The following ANKS1B variants were observed in gnomAD, a reference collection of about 807,000 sequenced individuals.
ANKS1B encodes the protein ankyrin repeat and sterile alpha motif domain containing 1B, also known as ankyrin repeat and sterile alpha motif domain-containing protein 1B.
Under a neutral mutation model 148.3 loss-of-function variants are expected in ANKS1B, and 36 were observed. The observed-to-expected ratio is 0.24, with a 90% CI of 0.19 to 0.32. The LOEUF (loss-of-function observed/expected upper bound fraction) is 0.32. Ranked by LOEUF, ANKS1B falls within the 10% of genes least tolerant of loss-of-function variation. The probability of loss-of-function intolerance (pLI) is 1.00; values close to 1 mark genes in which losing one functional copy is unlikely to be tolerated. For synonymous variants in ANKS1B, 542 were observed against 560.8 expected (o/e 0.97, Z 0.47); for missense variants, 1,157 against 1,542.6 (o/e 0.75, Z 4.19).
chr12:98,838,512 T>C (rs373943299), intron 17 of ANKS1B, among the ~76,000 whole-genome samples: 9 of 152,216 alleles, frequency 5.9e-5, no homozygotes, highest in African/African-American at 1.9e-4. Flanking sequence ...AAACAGCACA[T>C]GTAGCTGGAA....
At chr12:99,567,715 T>C (rs1423520003) in intron 9 of ANKS1B, among the ~76,000 whole-genome samples, 1 of 152,114 alleles carries the variant, frequency 6.6e-6, no homozygotes, top group African/African-American at 2.4e-5. Flanking sequence ...GACCAAGATA[T>C]GCTAAAGGGG....
intron 15 of ANKS1B, among the ~76,000 whole-genome samples, chr12:99,138,642 G>A (rs1484851428): frequency 6.6e-6 from 1 of 152,136 alleles, no homozygotes; most frequent in Non-Finnish European, 1.5e-5. Flanking sequence ...CACAGTTTCA[G>A]GAGACAGGTA....
intron 8 of ANKS1B, among the ~76,000 whole-genome samples, chr12:99,690,327 T>C (rs184658705): frequency 6.6e-6 from 1 of 152,232 alleles, no homozygotes; most frequent in East Asian, 1.9e-4. Context: ...TCATGTCTTT[T>C]CACACTTCAA....
At chr12:99,876,582 A>T (rs2092072169) in intron 1 of ANKS1B, among the ~76,000 whole-genome samples, 1 of 151,960 alleles carries the variant, frequency 6.6e-6, no homozygotes, top group South Asian at 2.1e-4. Flanking sequence ...ATACAAAAAA[A>T]TTAGCCGGGA....
chr12:99,028,382 A>C (rs2099950020), intron 17 of ANKS1B, among the ~76,000 whole-genome samples: 1 of 152,182 alleles, frequency 6.6e-6, no homozygotes, highest in Admixed American at 6.5e-5. Flanking sequence ...TAGGGAGTAA[A>C]AGTATGGGGA....
chr12:99,642,140 G>A (rs2098314391), intron 9 of ANKS1B, among the ~76,000 whole-genome samples: 1 of 151,942 alleles, frequency 6.6e-6, no homozygotes, highest in Admixed American at 6.6e-5. Context: ...GCTTTCCAAA[G>A]GCAAAATTAT....
chr12:98,767,240 T>C (rs2098496254), intron 25 of ANKS1B, among the ~76,000 whole-genome samples: 1 of 152,208 alleles, frequency 6.6e-6, no homozygotes, highest in Non-Finnish European at 1.5e-5. Context: ...AGTGTTTTTC[T>C]TGCCCCACAC....
At chr12:99,046,811 AAAAAAG>A in intron 17 of ANKS1B, among the ~76,000 whole-genome samples, 1 of 84,966 alleles carries the variant, frequency 1.2e-5, no homozygotes. Flanking sequence ...CTGTCTTAAA[AAAAAAG>A]AAAAAAAAAA....
intron 14 of ANKS1B, among the ~76,000 whole-genome samples, chr12:99,225,454 C>T (rs751366213): frequency 6.6e-6 from 1 of 152,036 alleles, no homozygotes; most frequent in African/African-American, 2.4e-5. Context: ...TTTGATTGGA[C>T]TGAAGGATGC....
intron 12 of ANKS1B, among the ~76,000 whole-genome samples, chr12:99,275,275 A>G (rs959509002): frequency 6.6e-6 from 1 of 152,158 alleles, no homozygotes; most frequent in Non-Finnish European, 1.5e-5. Flanking sequence ...CTGTTGTGCT[A>G]TCAAATACTA....
intron 20 of ANKS1B, among the ~76,000 whole-genome samples, chr12:98,803,152 TC>T (rs1174438733): frequency 3.3e-5 from 5 of 152,146 alleles, no homozygotes; most frequent in Admixed American, 2.6e-4. Context: ...CTCTTTATTC[TC>T]TCTCTGGTCT....
At chr12:99,519,661 G>A (rs562439237) in intron 9 of ANKS1B, among the ~76,000 whole-genome samples, 8 of 152,034 alleles carry the variant, frequency 5.3e-5, no homozygotes, top group African/African-American at 1.7e-4. Context: ...ATTGGCTCTT[G>A]TTTTTTCACC....
chr12:99,132,273 A>G (rs2066355370), intron 15 of ANKS1B, among the ~76,000 whole-genome samples: 1 of 152,166 alleles, frequency 6.6e-6, no homozygotes, highest in Non-Finnish European at 1.5e-5. Context: ...AGGAAGGTGC[A>G]TTGGCAAGCG....
intron 1 of ANKS1B, among the ~76,000 whole-genome samples, chr12:99,884,150 T>C (rs11110083): frequency 0.063 from 9,601 of 152,084 alleles, 337 homozygotes; most frequent in Middle Eastern, 0.16. Flanking sequence ...AGTAAATAAG[T>C]ACATGAAAAG....
At chr12:98,877,107 A>G (rs570475829) in intron 17 of ANKS1B, among the ~76,000 whole-genome samples, 3 of 152,288 alleles carry the variant, frequency 2.0e-5, no homozygotes, top group Admixed American at 2.0e-4. Context: ...TGACTCATAA[A>G]AACATTATGT....
chr12:98,855,725 G>A (rs1471335281), intron 17 of ANKS1B, among the ~76,000 whole-genome samples: 1 of 152,140 alleles, frequency 6.6e-6, no homozygotes, highest in Non-Finnish European at 1.5e-5. Context: ...AAATGGGAAT[G>A]CGAAAATCAA....
intron 1 of ANKS1B, among the ~76,000 whole-genome samples, chr12:99,941,446 G>C (rs1328432122): frequency 2.1e-5 from 3 of 141,814 alleles, no homozygotes; most frequent in Non-Finnish European, 4.6e-5. Context: ...TAGAATAAAG[G>C]CAGTGGGAAT....
At chr12:98,746,029 C>G (rs1040744826) in intron 26 of ANKS1B, among the ~76,000 whole-genome samples, 180 bp from the exon 27 acceptor site, 5 of 152,212 alleles carry the variant, frequency 3.3e-5, no homozygotes, top group Admixed American at 1.3e-4. Flanking sequence ...CGACTCTCTG[C>G]AGGGCACCCT....
chr12:99,555,386 C>G (rs1003732627), intron 9 of ANKS1B, among the ~76,000 whole-genome samples: 1 of 152,148 alleles, frequency 6.6e-6, no homozygotes, highest in African/African-American at 2.4e-5. Flanking sequence ...CACCTTCAAA[C>G]AGAAATAGTT....
Sources: allele counts gnomAD v4.1 joint callset (sites outside exome capture counted in the v4.1 genomes callset), GRCh38; gene constraint gnomAD v4.1.1; transcripts MANE v1.5; gene names NCBI Gene and HGNC (gene_info 2026-07-23, HGNC 2026-07-21).